VCP: variants seen among roughly 807,000 people sequenced by gnomAD.
VCP encodes the protein transitional endoplasmic reticulum ATPase.
VCP carries 6 observed loss-of-function variants against 85.7 expected under a neutral mutation model. The observed-to-expected ratio is 0.07, with a 90% CI of 0.04 to 0.14. The LOEUF is 0.14. Ranked by LOEUF, VCP falls within the 10% of genes least tolerant of loss-of-function variation. The pLI, the probability that VCP is intolerant of heterozygous loss-of-function variation, is 1.00. For synonymous variants in VCP, 384 were observed against 367.1 expected (o/e 1.05, Z -0.53); for missense variants, 353 against 1,043.4 (o/e 0.34, Z 9.12).
chr9:35,064,465 T>C (rs189588564), intron 5 of VCP, among the ~76,000 whole-genome samples, 180 bp from the exon 6 acceptor site: 1 of 152,170 alleles, frequency 6.6e-6, no homozygotes, highest in African/African-American at 2.4e-5. Flanking sequence ...GTGGGAGGAA[T>C]GCTTGAGTCC....
rs759649712 is a variant in VCP at position 35,059,160 on chromosome 9, T to C, written c.2064A>G (p.Thr688=). 3.7e-6 allele frequency: 6 copies of C among 1,614,036 alleles called. No homozygotes were observed. The African/African-American group carries it at 6.7e-5, about 18-fold the overall frequency. Residue 688 remains threonine, a synonymous_variant, in exon 15 of 17, where the codon ACA becomes ACG. Transcript: ENST00000358901. This position sits in a 1 kb window ranked among gnomAD's most constrained non-coding sequence, Gnocchi z 4.9. The part of the protein sequence containing the change: ...MTNGFSGADL[T]EICQRACKLA... ...GCTTGCAAGCACGCTGGCAAATCTC[T>C]GTCAGGTCAGCTCCAGAGAAGCCAT...
At position 35,056,677 on chromosome 9, in the gene VCP, A is replaced by C; in HGVS notation, c.*440T>G. Reference sequence around the variant, plus strand: ...AAAAGCATGTAAAATAAATCAACCTACTCTCTATATAAACATCCAGCAACT... The same window carrying C: ...AAAAGCATGTAAAATAAATCAACCTCCTCTCTATATAAACATCCAGCAACT... On this transcript the variant is annotated 3_prime_UTR_variant, in exon 17 of 17. Transcript: ENST00000358901. 1 of 217,482 alleles carries C rather than the reference A, an allele frequency of 4.6e-6. No homozygotes were observed. The highest frequency in any genetic ancestry group is 9.4e-6 in the Non-Finnish European group (1 of 106,062). 13.5% of individuals were successfully genotyped at this position (217,482 alleles called of 1,614,324 possible).
At chr9:35,063,346 C>T (rs1386327336) in intron 6 of VCP, among the ~76,000 whole-genome samples, 1 of 152,092 alleles carries the variant, frequency 6.6e-6, no homozygotes, top group Non-Finnish European at 1.5e-5. Flanking sequence ...AGTCCAAATG[C>T]GTTTGAAGAT....
Position 35,057,187 on chromosome 9 carries a change from C to G in VCP, c.2351G>C (p.Ser784Thr). ...ACCTGTGCCGCCTCCACTGCCCTGA[C>G]TGGGGCCAGCTCCACCCTGGTTCCC... is the stretch of plus-strand genomic sequence containing the variant. ...PSGNQGGAGP[S>T]QGSGGGTGGS... The change falls in exon 17 of 17, where the codon AGT becomes ACT. Residue 784 changes from serine (S) to threonine (T), a missense_variant. Physicochemically the swap from Ser to Thr is moderately conservative, Grantham distance 58 (BLOSUM62 1). Transcript: ENST00000358901. The G allele has an allele frequency of 6.2e-7, 1 of 1,614,236 alleles. No individual in the cohort carries two copies. Among genetic ancestry groups the G allele is most frequent in the Non-Finnish European group, 8.5e-7 (1 of 1,180,042 alleles).
Position 35,056,164 on chromosome 9 carries a change from T to C in VCP, c.*953A>G, listed in dbSNP as rs1828599724. 1 of 152,170 alleles carries C rather than the reference T, an allele frequency of 6.6e-6. No homozygotes were observed. The highest frequency in any genetic ancestry group is 1.5e-5 in the Non-Finnish European group (1 of 68,030). The allele number at this position is 152,170 out of a possible 1,614,324, so 9.4% of individuals were successfully genotyped here. A position where few individuals can be genotyped will look rare whatever the true frequency, so the allele number is the denominator to read the frequency against. Reference sequence around the variant, plus strand: ...CCAACCAGGGGATGTTTGGGATTTTTAGATGCATTAAAAGAGAGTATAGAG... The same window carrying C: ...CCAACCAGGGGATGTTTGGGATTTTCAGATGCATTAAAAGAGAGTATAGAG... On this transcript the variant is annotated 3_prime_UTR_variant, in exon 17 of 17. Coordinates refer to ENST00000358901, the MANE Select transcript of VCP (RefSeq NM_007126.5).
At chr9:35,057,681 C>T in intron 15 of VCP, 151 bp from the exon 16 acceptor site, 1 of 1,049,346 alleles carries the variant, frequency 9.5e-7, no homozygotes, top group Non-Finnish European at 1.5e-6. Context: ...AATTGAGTCA[C>T]TGCTCTGCTT....
chr9:35,061,513 A>G lies in VCP; in HGVS notation c.1194+64T>C, dbSNP rs1259588138. 5 of 1,454,766 alleles carry G rather than the reference A, an allele frequency of 3.4e-6. No homozygotes were observed. In the Admixed American group the frequency reaches 5.0e-5, roughly 15 times the overall value. The allele number at this position is 1,454,766 out of a possible 1,614,324, so 90.1% of individuals were successfully genotyped here. On this transcript the variant is annotated intron_variant, in intron 10 of 16. Coordinates refer to ENST00000358901, the MANE Select transcript of VCP (RefSeq NM_007126.5). ...CCTCACATCTTAACCTTATGTCTCT[A>G]GCCAGTTCCCAGCAACTGCCTAGAG...
intron 15 of VCP, among the ~76,000 whole-genome samples, chr9:35,058,259 G>A (rs1340266681): frequency 6.6e-6 from 1 of 152,150 alleles, no homozygotes; most frequent in Non-Finnish European, 1.5e-5. Flanking sequence ...CCCTTCAAAA[G>A]GGAAAGAAAG....
chr9:35,060,576 A>G (rs1207262141), intron 12 of VCP, 51 bp from the exon 13 acceptor site: 3 of 1,582,954 alleles, frequency 1.9e-6, no homozygotes, highest in Middle Eastern at 2.0e-4. Flanking sequence ...TTTTGAAAGA[A>G]ACCTAACTAA....
intron 1 of VCP, 104 bp downstream of exon 1, chr9:35,072,233 T>C: frequency 6.8e-7 from 1 of 1,460,432 alleles, no homozygotes; most frequent in Non-Finnish European, 9.1e-7. Flanking sequence ...TTTCCTGGTC[T>C]CCACCTCTCT....
chr9:35,059,479 G>T lies in VCP; in HGVS notation c.2004+14C>A, dbSNP rs968569820. ...CTCATGCAAGTCTCCCACAGCCCAT[G>T]ATCTTGCACCTGCCTTGGCAACTGG... On this transcript the variant is annotated intron_variant, in intron 14 of 16. Coordinates refer to ENST00000358901, the MANE Select transcript of VCP (RefSeq NM_007126.5). This position sits in a 1 kb window ranked among gnomAD's most constrained non-coding sequence, Gnocchi z 4.9. 2 of 1,613,584 alleles carry T rather than the reference G, an allele frequency of 1.2e-6. No homozygotes were observed. Among genetic ancestry groups the T allele is most frequent in the African/African-American group, 1.3e-5 (1 of 75,012 alleles).
intron 4 of VCP, 136 bp downstream of exon 4, chr9:35,066,539 T>TA (rs1828835614): frequency 3.0e-6 from 4 of 1,337,368 alleles, no homozygotes; most frequent in Non-Finnish European, 4.0e-6. Context: ...CCCCATCTCT[T>TA]AAAAAATGAA....
chr9:35,065,111 G>C (rs576232546), intron 5 of VCP, 140 bp downstream of exon 5: 3 of 1,245,628 alleles, frequency 2.4e-6, no homozygotes, highest in Non-Finnish European at 3.4e-6. Flanking sequence ...CAAGTGATCT[G>C]CCCATCTCAG....
chr9:35,062,969 A>AT lies in VCP; in HGVS notation c.811+8dup, dbSNP rs1828755454. On this transcript the variant is annotated intron_variant, in intron 7 of 16. Coordinates refer to ENST00000358901, the MANE Select transcript of VCP (RefSeq NM_007126.5). ...TCTAGCTAGACATAAGATGAACCAA[A>AT]TATCTCACCATTGATCAAGAAGAAG... is the stretch of plus-strand genomic sequence containing the variant. The AT allele has an allele frequency of 6.2e-7, 1 of 1,613,760 alleles. No homozygotes were observed. Among genetic ancestry groups the AT allele is most frequent in the African/African-American group, 1.3e-5 (1 of 74,890 alleles).
intron 1 of VCP, among the ~76,000 whole-genome samples, chr9:35,069,989 T>C (rs1828907884): frequency 6.6e-6 from 1 of 152,184 alleles, no homozygotes; most frequent in African/African-American, 2.4e-5. Context: ...TCCTCACAAT[T>C]TGCAAGAGAC....
chr9:35,071,748 G>T (rs887577851), intron 1 of VCP: 60 of 989,544 alleles, frequency 6.1e-5, no homozygotes, highest in Non-Finnish European at 7.1e-5. Flanking sequence ...ACACACAGAG[G>T]ATGCCCACCT....
chr9:35,066,555 A>C, intron 4 of VCP, 120 bp downstream of exon 4: 1 of 1,398,034 alleles, frequency 7.2e-7, no homozygotes, highest in South Asian at 1.3e-5. Flanking sequence ...ATGAATAAAT[A>C]AATACAGGGG....
chr9:35,062,350 C>G lies in VCP; in HGVS notation c.812G>C (p.Gly271Ala), dbSNP rs1064796741. The G allele has an allele frequency of 6.2e-7, 1 of 1,614,116 alleles. No homozygotes were observed. The highest frequency in any genetic ancestry group is 8.5e-7 in the Non-Finnish European group (1 of 1,180,030). ...ETGAFFFLIN[G>A]PEIMSKLAGE... ...AGCCAATTTGCTCATGATCTCAGGA[C>G]CTGAAAGGATACAGAATGGAGACAA... is the stretch of plus-strand genomic sequence containing the variant. The change falls in exon 8 of 17, where the codon GGT becomes GCT. Residue 271 changes from glycine (G) to alanine (A), a missense_variant and splice_region_variant. Physicochemically the swap from Gly to Ala is moderately conservative, Grantham distance 60. Coordinates refer to ENST00000358901, the MANE Select transcript of VCP (RefSeq NM_007126.5).
At position 35,065,305 on chromosome 9, in the gene VCP, G is replaced by A. The variant is rs1828806096; in HGVS notation, c.522C>T (p.Cys174=). ...KVVETDPSPY[C]IVAPDTVIHC... is the part of the protein sequence containing the mutation. ...GGATCACTGTGTCTGGAGCAACAAT[G>A]CAATAAGGGCTAGGATCTGTTTCCA... The change falls in exon 5 of 17, where the codon TGC becomes TGT. Residue 174 remains cysteine (C), a synonymous_variant. Coordinates refer to ENST00000358901, the MANE Select transcript of VCP (RefSeq NM_007126.5). 6.2e-7 allele frequency: 1 copy of A among 1,614,208 alleles called. No individual in the cohort carries two copies. Among genetic ancestry groups the A allele is most frequent in the Non-Finnish European group, 8.5e-7 (1 of 1,180,038 alleles).
Sources: allele counts gnomAD v4.1 joint callset (sites outside exome capture counted in the v4.1 genomes callset), GRCh38; gene constraint gnomAD v4.1.1; non-coding constraint Gnocchi (gnomAD v3.1); transcripts MANE v1.5; gene names NCBI Gene and HGNC (gene_info 2026-07-23, HGNC 2026-07-21).